Variants in FHOD3 observed in about 807,000 individuals in gnomAD.
FHOD3 encodes the protein formin homology 2 domain containing 3, also known as FH1/FH2 domain-containing protein 3.
In FHOD3, 90 loss-of-function variants were observed where a neutral mutation model predicts 173.0. That is an observed-to-expected ratio of 0.52 (90% CI 0.44 to 0.62). The LOEUF is 0.62. FHOD3 is among the 20% of genes least tolerant of loss of function. The probability of loss-of-function intolerance (pLI) is 0.00; values close to 1 mark genes in which losing one functional copy is unlikely to be tolerated. For synonymous variants in FHOD3, 828 were observed against 823.0 expected (o/e 1.01, Z -0.10); for missense variants, 1,945 against 2,034.7 (o/e 0.96, Z 0.85).
chr18:36,756,544 C>T (rs2042641172), intron 25 of FHOD3, among the ~76,000 whole-genome samples: 1 of 152,146 alleles, frequency 6.6e-6, no homozygotes, highest in Non-Finnish European at 1.5e-5. Flanking sequence ...CTCACTGAAG[C>T]CGCCCTATGT....
intron 5 of FHOD3, among the ~76,000 whole-genome samples, chr18:36,524,802 G>A (rs551198674): frequency 1.1e-4 from 17 of 152,252 alleles, no homozygotes; most frequent in Admixed American, 3.9e-4. Context: ...TTTTTCTATG[G>A]TTGGGGGCTT....
chr18:36,762,709 T>C (rs1418239852), intron 27 of FHOD3, among the ~76,000 whole-genome samples: 2 of 151,670 alleles, frequency 1.3e-5, no homozygotes, highest in Non-Finnish European at 2.9e-5. Flanking sequence ...GGCAGGAGAA[T>C]TGCTTGAACC....
intron 3 of FHOD3, among the ~76,000 whole-genome samples, chr18:36,387,195 A>G (rs1418383842): frequency 6.6e-6 from 1 of 151,824 alleles, no homozygotes; most frequent in Non-Finnish European, 1.5e-5. Flanking sequence ...TTGAGGGGAG[A>G]TGGTGGGTTA....
intron 3 of FHOD3, among the ~76,000 whole-genome samples, chr18:36,485,653 C>T (rs1259970784): frequency 6.6e-6 from 1 of 152,172 alleles, no homozygotes; most frequent in Non-Finnish European, 1.5e-5. Context: ...TGTCAAGACA[C>T]CACATGCTAG....
In FHOD3 at chr18:36,572,343, CTG is replaced by C. The variant is rs373693599; in HGVS notation, c.512-4103_512-4102del. ...TTTTCAGGGCATCTGTTTTGTTCTT[CTG>C]TGTGGGTTTTATTCTCAGGCCCACG... On this transcript the variant is annotated intron_variant, in intron 5 of 28. Coordinates refer to ENST00000590592, the MANE Select transcript of FHOD3 (RefSeq NM_001281740.3). Among the ~76,000 whole-genome samples the C allele has an allele frequency of 9.2e-4, 140 of 152,208 alleles. 1 individual carries two copies. The highest frequency in any genetic ancestry group is 3.0e-3 in the African/African-American group (125 of 41,540).
intron 5 of FHOD3, among the ~76,000 whole-genome samples, chr18:36,523,448 T>A (rs2056371746): frequency 6.6e-6 from 1 of 152,218 alleles, no homozygotes; most frequent in Non-Finnish European, 1.5e-5. Context: ...TGGAGCAGTC[T>A]GCTGAGGATT....
chr18:36,533,209 A>C lies in FHOD3; in HGVS notation c.511+20666A>C, dbSNP rs553291299. ...AAATTCTCAGAGGCACAGTTTCCTC[A>C]TCTGCAAACCAGGCATGATGAAAGT... On this transcript the variant is annotated intron_variant, in intron 5 of 28. Transcript: ENST00000590592. 5.3e-5 allele frequency among the ~76,000 whole-genome samples: 8 copies of C among 152,366 alleles called. No individual in the cohort carries two copies. The East Asian group carries it at 1.5e-3, about 29-fold the overall frequency.
At chr18:36,449,260 T>C (rs1195615923) in intron 3 of FHOD3, among the ~76,000 whole-genome samples, 1 of 151,876 alleles carries the variant, frequency 6.6e-6, no homozygotes, top group African/African-American at 2.4e-5. Context: ...ACTAGATAAT[T>C]GAAATGGTAC....
chr18:36,734,008 G>A (rs184596108), intron 20 of FHOD3, among the ~76,000 whole-genome samples: 2 of 152,132 alleles, frequency 1.3e-5, no homozygotes, highest in Non-Finnish European at 2.9e-5. Context: ...TTTGTGTGCT[G>A]CAGAGAATAA....
chr18:36,448,530 C>T (rs1244406513), intron 3 of FHOD3, among the ~76,000 whole-genome samples: 3 of 152,202 alleles, frequency 2.0e-5, no homozygotes, highest in African/African-American at 7.2e-5. Flanking sequence ...ATCTCTCCCA[C>T]ATGACTCTCT....
intron 1 of FHOD3, among the ~76,000 whole-genome samples, chr18:36,306,474 A>G (rs2092101089): frequency 6.6e-6 from 1 of 152,280 alleles, no homozygotes; most frequent in Non-Finnish European, 1.5e-5. Context: ...TTAGAACCAG[A>G]TATGTTCCAT....
chr18:36,563,479 T>C (rs2058158470), intron 5 of FHOD3, among the ~76,000 whole-genome samples: 1 of 152,234 alleles, frequency 6.6e-6, no homozygotes, highest in South Asian at 2.1e-4. Flanking sequence ...CCAGAGAGGT[T>C]AATTAGCATA....
chr18:36,550,226 A>G (rs2057590133), intron 5 of FHOD3, among the ~76,000 whole-genome samples: 1 of 136,582 alleles, frequency 7.3e-6, no homozygotes, highest in African/African-American at 2.7e-5. Flanking sequence ...ATATATATAT[A>G]TAGGCCAGTG....
At chr18:36,658,522 T>C (rs1231688022) in intron 14 of FHOD3, among the ~76,000 whole-genome samples, 2 of 152,242 alleles carry the variant, frequency 1.3e-5, no homozygotes, top group Non-Finnish European at 2.9e-5. Context: ...CAATTTGTTA[T>C]ATACACATCA....
intron 2 of FHOD3, among the ~76,000 whole-genome samples, chr18:36,369,440 AACACACAC>A (rs59109469): frequency 0.033 from 3,114 of 94,152 alleles, 75 homozygotes; most frequent in Admixed American, 0.08. Flanking sequence ...ATTTTATTTA[AACACACAC>A]ACACACACAC....
chr18:36,615,889 A>G (rs1246923359), intron 9 of FHOD3, among the ~76,000 whole-genome samples: 1 of 152,240 alleles, frequency 6.6e-6, no homozygotes, highest in Admixed American at 6.5e-5. Flanking sequence ...TTATCTTTAT[A>G]TGATCTTGGG....
At chr18:36,346,491 A>C (rs2045885478) in intron 1 of FHOD3, among the ~76,000 whole-genome samples, 1 of 152,202 alleles carries the variant, frequency 6.6e-6, no homozygotes. Flanking sequence ...ATCACCAGTT[A>C]CTAATTTGCT....
intron 1 of FHOD3, among the ~76,000 whole-genome samples, chr18:36,314,736 A>G (rs1263358439): frequency 6.6e-6 from 1 of 152,134 alleles, no homozygotes; most frequent in Non-Finnish European, 1.5e-5. Context: ...CAGCCTGGGG[A>G]CCTGCCTCAA....
intron 5 of FHOD3, among the ~76,000 whole-genome samples, chr18:36,539,353 T>C (rs998434085): frequency 9.2e-5 from 14 of 152,242 alleles, no homozygotes; most frequent in Admixed American, 9.2e-4. Flanking sequence ...CTTTAACTAT[T>C]TGAATAATTC....
Sources: allele counts gnomAD v4.1 joint callset (sites outside exome capture counted in the v4.1 genomes callset), GRCh38; gene constraint gnomAD v4.1.1; transcripts MANE v1.5; gene names NCBI Gene and HGNC (gene_info 2026-07-23, HGNC 2026-07-21).